Variants in HSPG2 observed in about 807,000 individuals in gnomAD.
HSPG2 encodes the protein basement membrane-specific heparan sulfate proteoglycan core protein.
HSPG2 carries 278 observed loss-of-function variants against 526.6 expected under a neutral mutation model. That is an observed-to-expected ratio of 0.53 (90% CI 0.48 to 0.58). The LOEUF is 0.58. HSPG2 is among the 20% of genes least tolerant of loss of function. The pLI, the probability that HSPG2 is intolerant of heterozygous loss-of-function variation, is 0.00. For missense variants in HSPG2, 5,354 were observed against 6,099.5 expected (o/e 0.88, Z 4.07); for synonymous variants, 2,465 against 2,555.4 (o/e 0.96, Z 1.07).
chr1:21,901,598 A>G (rs1377005776), intron 1 of HSPG2, among the ~76,000 whole-genome samples: 1 of 152,090 alleles, frequency 6.6e-6, no homozygotes, highest in East Asian at 1.9e-4. Flanking sequence ...ACATGCCTTC[A>G]GCAGCCAGTC....
rs781415384 is a variant in HSPG2 at position 21,887,172 on chromosome 1, T to C, written c.1078+43A>G. 6.7e-7 allele frequency: 1 copy of C among 1,498,080 alleles called. No homozygotes were observed. Among genetic ancestry groups the C allele is most frequent in the Non-Finnish European group, 9.1e-7 (1 of 1,097,866 alleles). The allele number at this position is 1,498,080 out of a possible 1,614,324, so 92.8% of individuals were successfully genotyped here. A position where few individuals can be genotyped will look rare whatever the true frequency, so the allele number is the denominator to read the frequency against. Reference sequence around the variant, plus strand: ...GAAGGCGGGGCAGGAGCAAGCGGCCTGGGCAGGGCAAGGGGGCCTCAGCTG... The same window carrying C: ...GAAGGCGGGGCAGGAGCAAGCGGCCCGGGCAGGGCAAGGGGGCCTCAGCTG... On this transcript the variant is annotated intron_variant, in intron 9 of 96. Transcript: ENST00000374695. This position sits in a 1 kb window ranked among gnomAD's most constrained non-coding sequence, Gnocchi z 5.0.
At chr1:21,829,926 GAGT>G in intron 86 of HSPG2, 64 bp downstream of exon 86, 1 of 1,331,992 alleles carries the variant, frequency 7.5e-7, no homozygotes, top group East Asian at 2.5e-5. Context: ...CATGGCCTCA[GAGT>G]GCCCCACCCA....
In HSPG2 at chr1:21,865,019, C is replaced by T. The variant is rs1220618419; in HGVS notation, c.4450G>A (p.Ala1484Thr). 6.3e-7 allele frequency: 1 copy of T among 1,577,364 alleles called. No individual in the cohort carries two copies. Among genetic ancestry groups the T allele is most frequent in the Non-Finnish European group, 8.6e-7 (1 of 1,164,074 alleles). ...AGGAGCTCATCCAGGTCGGCCAGTG[C>T]CATCAGGAGGTGCTCGCGTGTGGCC... ...QPATREHLLM[A>T]LADLDELLIR... Residue 1484 changes from alanine (A) to threonine (T), a missense_variant, in exon 36 of 97, where the codon GCA (alanine) becomes ACA (threonine). Transcript: ENST00000374695. This position sits in a 1 kb window ranked among gnomAD's most constrained non-coding sequence, Gnocchi z 5.4.
Position 21,855,623 on chromosome 1 carries a change from C to T in HSPG2, c.5754G>A (p.Leu1918=). 6.3e-7 allele frequency: 1 copy of T among 1,577,354 alleles called. No homozygotes were observed. Among genetic ancestry groups the T allele is most frequent in the Non-Finnish European group, 8.6e-7 (1 of 1,164,408 alleles). ...PAKAQIHGGI[L]RLPAVEPTDQ... is the part of the protein sequence containing the mutation. The stretch of plus-strand genomic sequence containing the variant: ...CCGTGGGCTCGACAGCTGGCAGGCG[C>T]AGGATGCCGCCGTGGATTTGTGCCT... Residue 1918 remains leucine, a synonymous_variant, in exon 46 of 97, where the codon CTG becomes CTA. Coordinates refer to ENST00000374695, the MANE Select transcript of HSPG2 (RefSeq NM_005529.7).
At chr1:21,831,349 G>A in intron 83 of HSPG2, 25 bp from the exon 84 acceptor site, 1 of 1,609,386 alleles carries the variant, frequency 6.2e-7, no homozygotes, top group Non-Finnish European at 8.5e-7. Flanking sequence ...GGCAGGATGA[G>A]CACAGGGCAG....
Position 21,880,816 on chromosome 1 carries a change from G to C in HSPG2, c.1838C>G (p.Ser613Cys), listed in dbSNP as rs780568150. ...CTCGTAGCGCACGTTGTAACGCAGG[G>C]AGCCGCCATAGGAGTCCACCTGGCA... ...LGNKVDSYGG[S>C]LRYNVRYELA... Residue 613 changes from serine (S) to cysteine (C), a missense_variant, in exon 15 of 97, where the codon TCC (serine) becomes TGC (cysteine). Coordinates refer to ENST00000374695, the MANE Select transcript of HSPG2 (RefSeq NM_005529.7). The C allele has an allele frequency of 6.3e-7, 1 of 1,594,128 alleles. No homozygotes were observed. Among genetic ancestry groups the C allele is most frequent in the South Asian group, 1.1e-5 (1 of 88,114 alleles).
chr1:21,900,562 G>A (rs1377293144), intron 1 of HSPG2, among the ~76,000 whole-genome samples: 2 of 152,142 alleles, frequency 1.3e-5, no homozygotes, highest in Non-Finnish European at 2.9e-5. Flanking sequence ...GGCAGACAAG[G>A]CTGCCTAGGA....
intron 25 of HSPG2, 141 bp downstream of exon 25, chr1:21,875,485 ATTG>A (rs1640980645): frequency 2.8e-6 from 2 of 723,282 alleles, no homozygotes; most frequent in South Asian, 3.0e-5. Context: ...TATGGGAGAC[ATTG>A]TTAAGACTCT....
At chr1:21,830,278 G>T in intron 85 of HSPG2, 187 bp from the exon 86 acceptor site, 1 of 613,384 alleles carries the variant, frequency 1.6e-6, no homozygotes, top group Non-Finnish European at 2.9e-6. Flanking sequence ...CCACAGGGAG[G>T]ACTGCAGGGG....
chr1:21,899,293 G>C (rs1642961060), intron 1 of HSPG2, among the ~76,000 whole-genome samples: 1 of 152,180 alleles, frequency 6.6e-6, no homozygotes, highest in Admixed American at 6.5e-5. Flanking sequence ...GAACCAGACA[G>C]GAAAGAGGCT....
At position 21,851,586 on chromosome 1, in the gene HSPG2, G is replaced by A. The variant is rs141458309; in HGVS notation, c.7118C>T (p.Thr2373Met). 27 of 1,613,996 alleles carry A rather than the reference G, an allele frequency of 1.7e-5. No homozygotes were observed. Among genetic ancestry groups the A allele is most frequent in the South Asian group, 4.4e-5 (4 of 91,082 alleles). The change falls in exon 55 of 97, where the codon ACG (threonine) becomes ATG (methionine). Residue 2373 changes from threonine to methionine, a missense_variant. Transcript: ENST00000374695. ...GAGGCTGCCCCCACGCTTGTGCCAC[G>A]TGACCTGGGCATGGGACTGCCCGGG... is the stretch of plus-strand genomic sequence containing the variant. ...VVPGQSHAQV[T>M]WHKRGGSLPV...
At position 21,887,758 on chromosome 1, in the gene HSPG2, C is replaced by T; in HGVS notation, c.704-84G>A. The T allele has an allele frequency of 1.3e-6, 2 of 1,590,862 alleles. No homozygotes were observed. The highest frequency in any genetic ancestry group is 1.7e-6 in the Non-Finnish European group (2 of 1,160,282). On this transcript the variant is annotated intron_variant, in intron 7 of 96. Transcript: ENST00000374695. The surrounding 1 kb of genome is among the most constrained non-coding windows in gnomAD (Gnocchi z 5.0). ...GTCCCCAACCCTCCCCAGGCCCACC[C>T]TGTACTCCCCAACACCACTCCCTGC...
In HSPG2 at chr1:21,839,344, G is replaced by A; in HGVS notation, c.9889+27C>T. The A allele has an allele frequency of 6.2e-7, 1 of 1,605,862 alleles. No homozygotes were observed. Among genetic ancestry groups the A allele is most frequent in the South Asian group, 1.1e-5 (1 of 90,996 alleles). ...CGGGGGGCTCAGATCTCCATTTGGT[G>A]CAGACAAAGAAGGGATGAGGCCTTA... On this transcript the variant is annotated intron_variant, in intron 73 of 96. Coordinates refer to ENST00000374695, the MANE Select transcript of HSPG2 (RefSeq NM_005529.7). This position sits in a 1 kb window ranked among gnomAD's most constrained non-coding sequence, Gnocchi z 4.5.
intron 44 of HSPG2, among the ~76,000 whole-genome samples, chr1:21,856,579 A>C (rs556713199): frequency 3.4e-5 from 5 of 148,990 alleles, no homozygotes; most frequent in African/African-American, 1.2e-4. Flanking sequence ...CACCACACCC[A>C]GCTAGTTTTT....
chr1:21,896,390 G>C (rs1470048819), intron 1 of HSPG2, 80 bp from the exon 2 acceptor site: 1 of 1,557,644 alleles, frequency 6.4e-7, no homozygotes, highest in Non-Finnish European at 8.8e-7. Context: ...ACTTCCAGGG[G>C]GACCCAGAAT....
intron 1 of HSPG2, among the ~76,000 whole-genome samples, chr1:21,918,239 C>T (rs77506000): frequency 0.011 from 1,716 of 152,114 alleles, 20 homozygotes; most frequent in South Asian, 0.025. Flanking sequence ...CCGAGGCAGG[C>T]GGATCACCTG....
intron 91 of HSPG2, among the ~76,000 whole-genome samples, chr1:21,827,515 T>C (rs2097981619): frequency 6.6e-6 from 1 of 152,236 alleles, no homozygotes; most frequent in Non-Finnish European, 1.5e-5. Flanking sequence ...ACTGTTTCCT[T>C]AGCTTTTCAG....
chr1:21,882,400 T>TACACACACACACAC (rs56357321), intron 13 of HSPG2, among the ~76,000 whole-genome samples: 5 of 142,692 alleles, frequency 3.5e-5, no homozygotes, highest in East Asian at 2.1e-4. Flanking sequence ...CTCTTCTATG[T>TACACACACACACAC]ACACACACAC....
chr1:21,918,940 G>A (rs1280781386), intron 1 of HSPG2, among the ~76,000 whole-genome samples: 1 of 152,134 alleles, frequency 6.6e-6, no homozygotes, highest in Admixed American at 6.5e-5. Flanking sequence ...CCTCCCCACT[G>A]GGCTCCTCCC....
Sources: allele counts gnomAD v4.1 joint callset (sites outside exome capture counted in the v4.1 genomes callset), GRCh38; gene constraint gnomAD v4.1.1; non-coding constraint Gnocchi (gnomAD v3.1); transcripts MANE v1.5; gene names NCBI Gene and HGNC (gene_info 2026-07-23, HGNC 2026-07-21).